The following EPC2 variants were observed in gnomAD, a reference collection of about 807,000 sequenced individuals.
EPC2 encodes the protein enhancer of polycomb homolog 2.
A neutral mutation model predicts 92.1 loss-of-function variants in EPC2; 14 were observed. The ratio of observed to expected loss-of-function variants is 0.15; its 90% CI spans 0.10 to 0.24. EPC2 has a LOEUF of 0.24. EPC2 is among the 10% of genes least tolerant of loss of function. EPC2 has a pLI of 1.00. For missense variants in EPC2, 755 were observed against 971.5 expected, an observed-to-expected ratio of 0.78 and a Z score of 2.96; for synonymous variants, 340 against 334.7, an observed-to-expected ratio of 1.02 and a Z score of -0.17.
chr2:148,645,468 T>C (rs1338146483), intron 1 of EPC2: 2 of 364,362 alleles, frequency 5.5e-6, no homozygotes, highest in Non-Finnish European at 1.0e-5. Context: ...CGCTGGCCGC[T>C]CTTGGCGTAC....
chr2:148,762,946 C>A, intron 6 of EPC2, 144 bp downstream of exon 6: 1 of 810,314 alleles, frequency 1.2e-6, no homozygotes, highest in Non-Finnish European at 1.8e-6. Flanking sequence ...AAGCACTTTG[C>A]TAGGAGTATT....
At chr2:148,680,380 C>G (rs1278203729) in intron 1 of EPC2, among the ~76,000 whole-genome samples, 1 of 152,112 alleles carries the variant, frequency 6.6e-6, no homozygotes, top group East Asian at 1.9e-4. Context: ...TTCAACAGTT[C>G]TCAATAACAG....
chr2:148,667,978 G>A (rs1558803071), intron 1 of EPC2, among the ~76,000 whole-genome samples: 3 of 151,988 alleles, frequency 2.0e-5, no homozygotes, highest in African/African-American at 7.2e-5. Context: ...GGCTCACCAC[G>A]ACCTCTGCCT....
rs1683135111 is a variant in EPC2 at position 148,754,137 on chromosome 2, A to G, written c.666+4A>G. The G allele has an allele frequency of 1.9e-6, 3 of 1,586,472 alleles. No homozygotes were observed. Among genetic ancestry groups the G allele is most frequent in the Non-Finnish European group, 2.6e-6 (3 of 1,166,108 alleles). ...AGAGAAAATGCAAACTCGAAAGGTA[A>G]TGTGCAAATTAGGTTTCATTGAAGG... On this transcript the variant is annotated splice_donor_region_variant and intron_variant, in intron 4 of 13. Coordinates refer to ENST00000258484, the MANE Select transcript of EPC2 (RefSeq NM_015630.4).
At chr2:148,653,173 T>G (rs1680719098) in intron 1 of EPC2, among the ~76,000 whole-genome samples, 1 of 152,242 alleles carries the variant, frequency 6.6e-6, no homozygotes, top group Non-Finnish European at 1.5e-5. Context: ...TCTGTCACTT[T>G]CTGTCTTAAG....
chr2:148,727,305 A>G (rs965648823), intron 2 of EPC2, among the ~76,000 whole-genome samples: 8 of 152,078 alleles, frequency 5.3e-5, no homozygotes, highest in East Asian at 3.9e-4. Context: ...CTTTATGCCA[A>G]TTCCATACTG....
chr2:148,652,100 G>T (rs971521702), intron 1 of EPC2, among the ~76,000 whole-genome samples: 2 of 152,106 alleles, frequency 1.3e-5, no homozygotes, highest in African/African-American at 4.8e-5. Context: ...GAGATAGAGA[G>T]CGTTATTGGT....
At chr2:148,763,398 CATTA>C (rs1574629441) in intron 6 of EPC2, among the ~76,000 whole-genome samples, 1 of 152,068 alleles carries the variant, frequency 6.6e-6, no homozygotes, top group Admixed American at 6.5e-5. Context: ...TCACTTGGTA[CATTA>C]ATTAAAGTAT....
At chr2:148,653,433 G>A (rs1372359800) in intron 1 of EPC2, among the ~76,000 whole-genome samples, 1 of 152,148 alleles carries the variant, frequency 6.6e-6, no homozygotes, top group South Asian at 2.1e-4. Context: ...GTTGATCATC[G>A]ATTATTTGCC....
chr2:148,764,959 C>T lies in EPC2; in HGVS notation c.953C>T (p.Pro318Leu), dbSNP rs1311974519. Residue 318 changes from proline (P) to leucine (L), a missense_variant, in exon 7 of 14, where the codon CCT becomes CTT. Around this residue, in one of 4 missense-constraint regions of EPC2, gnomAD observed 509 missense variants for 607.7 expected, o/e 0.84. Transcript: ENST00000258484. ...GAAAAATCGTCATGTAAACAGCACC[C>T]TCATCATTTGTCTTTGAAAGAAGAG... ...HKVQECKTKH[P>L]HHLSLKEEAS... The T allele has an allele frequency of 6.5e-6, 10 of 1,540,682 alleles. No homozygotes were observed. Among genetic ancestry groups the T allele is most frequent in the East Asian group, 2.3e-5 (1 of 42,942 alleles).
intron 7 of EPC2, among the ~76,000 whole-genome samples, chr2:148,766,480 T>C (rs1236784039): frequency 6.6e-6 from 1 of 152,222 alleles, no homozygotes; most frequent in Non-Finnish European, 1.5e-5. Context: ...CATATATTAC[T>C]TTTGTCAGAG....
chr2:148,670,415 A>G (rs1010049660), intron 1 of EPC2, among the ~76,000 whole-genome samples: 3 of 151,902 alleles, frequency 2.0e-5, no homozygotes, highest in Non-Finnish European at 4.4e-5. Flanking sequence ...TATTCAAGTA[A>G]GTGTTTTTTA....
At chr2:148,734,015 T>G (rs116705311) in intron 2 of EPC2, among the ~76,000 whole-genome samples, 1 of 152,254 alleles carries the variant, frequency 6.6e-6, no homozygotes, top group Non-Finnish European at 1.5e-5. Context: ...ATGGAAAACA[T>G]ATAGGAAAAG....
intron 2 of EPC2, among the ~76,000 whole-genome samples, chr2:148,737,590 A>C (rs1476472009): frequency 6.6e-6 from 1 of 152,076 alleles, no homozygotes; most frequent in Non-Finnish European, 1.5e-5. Context: ...TTCAGAGTCC[A>C]CAGGCTCTCT....
intron 3 of EPC2, among the ~76,000 whole-genome samples, chr2:148,748,387 T>G (rs1424595706): frequency 6.6e-6 from 1 of 152,068 alleles, no homozygotes; most frequent in Non-Finnish European, 1.5e-5. Context: ...TAATATACTC[T>G]CTTTCTTAAT....
chr2:148,748,795 T>C (rs868166380), intron 3 of EPC2, among the ~76,000 whole-genome samples: 2 of 152,232 alleles, frequency 1.3e-5, no homozygotes, highest in Middle Eastern at 3.4e-3. Flanking sequence ...TTTACACTTG[T>C]AGCATCATGT....
At chr2:148,763,815 A>G (rs193295647) in intron 6 of EPC2, among the ~76,000 whole-genome samples, 28 of 152,342 alleles carry the variant, frequency 1.8e-4, no homozygotes, top group African/African-American at 5.5e-4. Context: ...GTGTCAATCA[A>G]TGCTTTTCCT....
rs926972265 is a variant in EPC2, at chr2:148,687,713, C to A, written c.154-2501C>A. 2.6e-5 allele frequency among the ~76,000 whole-genome samples: 4 copies of A among 152,194 alleles called. No individual in the cohort carries two copies. In the South Asian group the frequency reaches 8.3e-4, roughly 31 times the overall value. Reference sequence around the variant, plus strand: ...ATGCTGCTTGTGGGAGTCCCAATAGCTGCCCTGGCTTACTGTTCACTTGTC... The same window carrying A: ...ATGCTGCTTGTGGGAGTCCCAATAGATGCCCTGGCTTACTGTTCACTTGTC... On this transcript the variant is annotated intron_variant, in intron 1 of 13. Transcript: ENST00000258484.
chr2:148,774,914 C>T (rs1683597374), intron 10 of EPC2, among the ~76,000 whole-genome samples: 2 of 150,986 alleles, frequency 1.3e-5, no homozygotes, highest in Non-Finnish European at 3.0e-5. Context: ...GATGAAACCC[C>T]GACTCTACTA....
Sources: gnomAD v4.1 joint callset for allele counts (sites outside exome capture counted in the v4.1 genomes callset) on GRCh38, gnomAD v4.1.1 for gene constraint, gnomAD v4.1.1 regional missense constraint, MANE v1.5 for transcripts, NCBI Gene and HGNC (gene_info 2026-07-23, HGNC 2026-07-21) for gene names.